S100Z: variants seen among roughly 807,000 people sequenced by gnomAD.
S100Z encodes protein S100-Z.
S100Z carries 11 observed loss-of-function variants against 8.5 expected under a neutral mutation model. That is an observed-to-expected ratio of 1.30 (90% CI 0.82 to 2.15). The LOEUF is 2.15. Ranked by LOEUF, S100Z falls within the 30% of genes most tolerant of loss-of-function variation. S100Z has a pLI of 0.00. For synonymous variants in S100Z, 34 were observed against 43.8 expected (o/e 0.78, Z 0.89); for missense variants, 126 against 117.9 (o/e 1.07, Z -0.32).
intron 4 of S100Z, among the ~76,000 whole-genome samples, chr5:76,885,755 G>A (rs554745645): frequency 4.6e-5 from 7 of 150,946 alleles, no homozygotes; most frequent in East Asian, 2.0e-4. Flanking sequence ...CCAGGAAAGT[G>A]GAGAAGGGAT....
At chr5:76,910,054 GGGACT>G (rs1353620032) in intron 4 of S100Z, among the ~76,000 whole-genome samples, 4 of 152,170 alleles carry the variant, frequency 2.6e-5, no homozygotes, top group Non-Finnish European at 5.9e-5. Context: ...TCAGATCATG[GGGACT>G]GGAGTCATAA....
At chr5:76,889,408 C>T (rs1743778524) in intron 4 of S100Z, among the ~76,000 whole-genome samples, 1 of 152,182 alleles carries the variant, frequency 6.6e-6, no homozygotes, top group African/African-American at 2.4e-5. Context: ...TTGTTTTTTA[C>T]AAGTTAATAT....
chr5:76,918,999 G>A (rs564926903), intron 4 of S100Z, among the ~76,000 whole-genome samples: 6 of 152,108 alleles, frequency 3.9e-5, no homozygotes, highest in South Asian at 2.1e-4. Context: ...AGTTTTCTTC[G>A]TGGCTTTTCA....
chr5:76,945,320 T>C, the S100Z span, among the ~76,000 whole-genome samples: 29 of 152,230 alleles, frequency 1.9e-4, no homozygotes, highest in African/African-American at 5.8e-4. Flanking sequence ...GCCTGAGATA[T>C]GGCCTCAAGG....
intron 4 of S100Z, among the ~76,000 whole-genome samples, chr5:76,913,784 C>T (rs1372009791): frequency 3.9e-5 from 6 of 152,224 alleles, no homozygotes; most frequent in African/African-American, 1.2e-4. Context: ...TCTGCACCGT[C>T]TTAGGGGAAG....
intron 4 of S100Z, among the ~76,000 whole-genome samples, chr5:76,898,770 T>C (rs1163147873): frequency 6.6e-6 from 1 of 152,110 alleles, no homozygotes; most frequent in African/African-American, 2.4e-5. Flanking sequence ...CTTTTTTTGA[T>C]GTGTCTTTGG....
the S100Z span, among the ~76,000 whole-genome samples, chr5:76,931,886 T>C: frequency 6.6e-6 from 1 of 152,050 alleles, no homozygotes; most frequent in East Asian, 1.9e-4. Flanking sequence ...CACACACACA[T>C]AGGAGAGACA....
chr5:76,890,333 AT>A (rs1227651385), intron 4 of S100Z, among the ~76,000 whole-genome samples: 1 of 152,204 alleles, frequency 6.6e-6, no homozygotes, highest in Non-Finnish European at 1.5e-5. Flanking sequence ...CTAAAATTTA[AT>A]TTTGAAAATA....
intron 4 of S100Z, among the ~76,000 whole-genome samples, chr5:76,904,606 G>A (rs995002435): frequency 3.3e-5 from 5 of 152,126 alleles, no homozygotes; most frequent in African/African-American, 1.2e-4. Flanking sequence ...CTGCATTTAT[G>A]TTTGAAATGA....
the S100Z span, among the ~76,000 whole-genome samples, chr5:76,930,483 G>A: frequency 6.6e-6 from 1 of 152,116 alleles, no homozygotes; most frequent in Non-Finnish European, 1.5e-5. Context: ...ATGGTAAGGA[G>A]GCACACATCT....
intron 1 of S100Z, among the ~76,000 whole-genome samples, chr5:76,866,077 A>G (rs765801189): frequency 2.6e-5 from 4 of 151,468 alleles, no homozygotes; most frequent in Non-Finnish European, 5.9e-5. Context: ...GAAGAAAGAA[A>G]AATTTTTGTT....
intron 1 of S100Z, among the ~76,000 whole-genome samples, chr5:76,860,798 G>A (rs1469231194): frequency 1.3e-5 from 2 of 152,114 alleles, no homozygotes; most frequent in Non-Finnish European, 2.9e-5. Flanking sequence ...GTAATAAAAG[G>A]TGCTATACAA....
intron 4 of S100Z, among the ~76,000 whole-genome samples, chr5:76,909,313 A>T (rs937675351): frequency 6.6e-6 from 1 of 152,184 alleles, no homozygotes; most frequent in Non-Finnish European, 1.5e-5. Context: ...ACCCTGAAAA[A>T]GAGGCAGCTC....
Position 76,921,064 on chromosome 5 carries a change from C to T in S100Z, c.*350C>T, listed in dbSNP as rs953669271. The T allele has an allele frequency of 9.9e-5, 15 of 152,204 alleles. No individual in the cohort carries two copies. The highest frequency in any genetic ancestry group is 3.6e-4 in the African/African-American group (15 of 41,456). 9.4% of individuals were successfully genotyped at this position (152,204 alleles called of 1,614,324 possible). On this transcript the variant is annotated 3_prime_UTR_variant, in exon 5 of 5. Transcript: ENST00000317593. Reference sequence around the variant, plus strand: ...TAAGTTTATTGTAGGGGGAAATAATCAAATGTAATCTCATTACCCAGATAT... The same window carrying T: ...TAAGTTTATTGTAGGGGGAAATAATTAAATGTAATCTCATTACCCAGATAT...
chr5:76,935,570 A>G, the S100Z span, among the ~76,000 whole-genome samples: 1 of 152,026 alleles, frequency 6.6e-6, no homozygotes, highest in Non-Finnish European at 1.5e-5. Context: ...CAATGAGTGA[A>G]TATTGGGGAA....
the S100Z span, among the ~76,000 whole-genome samples, chr5:76,941,968 C>G: frequency 6.6e-6 from 1 of 151,846 alleles, no homozygotes; most frequent in Non-Finnish European, 1.5e-5. Context: ...TTTTGTTGCT[C>G]AAATTGTTCC....
intron 4 of S100Z, among the ~76,000 whole-genome samples, chr5:76,920,210 A>T (rs1402550360): frequency 6.6e-6 from 1 of 152,188 alleles, no homozygotes; most frequent in African/African-American, 2.4e-5. Context: ...CGCCCGGCTC[A>T]GCCTTCATTT....
At chr5:76,877,926 G>T in intron 4 of S100Z, 92 bp downstream of exon 4, 1 of 738,506 alleles carries the variant, frequency 1.4e-6, no homozygotes, top group African/African-American at 1.8e-5. Flanking sequence ...ACCCAGTAAT[G>T]TCATTTATAG....
the S100Z span, among the ~76,000 whole-genome samples, chr5:76,951,635 GGTTAA>G: frequency 1.3e-5 from 2 of 152,162 alleles, no homozygotes; most frequent in South Asian, 2.1e-4. Context: ...AGCAAGTTGG[GGTTAA>G]GTTGTTTGTT....
Sources: gnomAD v4.1 joint callset for allele counts (sites outside exome capture counted in the v4.1 genomes callset) on GRCh38, gnomAD v4.1.1 for gene constraint, MANE v1.5 for transcripts, NCBI Gene and HGNC (gene_info 2026-07-23, HGNC 2026-07-21) for gene names.